Variants in DLGAP1 observed in about 807,000 individuals in gnomAD.
DLGAP1 encodes DLG associated protein 1, also known as disks large-associated protein 1.
A neutral mutation model predicts 90.8 loss-of-function variants in DLGAP1; 11 were observed. The ratio of observed to expected loss-of-function variants is 0.12; its 90% CI spans 0.08 to 0.20. The LOEUF is 0.20. DLGAP1 is among the 10% of genes least tolerant of loss of function. DLGAP1 has a pLI of 1.00. For missense variants in DLGAP1, 1,050 were observed against 1,333.8 expected (o/e 0.79, Z 3.31); for synonymous variants, 558 against 540.7 (o/e 1.03, Z -0.44).
intron 1 of DLGAP1, among the ~76,000 whole-genome samples, chr18:4,301,812 G>GT (rs562390297): frequency 2.6e-5 from 4 of 151,916 alleles, no homozygotes; most frequent in Non-Finnish European, 5.9e-5. Context: ...ATGACCTTTT[G>GT]TTTTTTTGAT....
intron 7 of DLGAP1, among the ~76,000 whole-genome samples, chr18:3,583,192 T>A (rs866477241): frequency 8.8e-5 from 12 of 136,760 alleles, no homozygotes; most frequent in East Asian, 2.2e-4. Context: ...CTACCTTCCT[T>A]CCTTCCTTCC....
intron 2 of DLGAP1, among the ~76,000 whole-genome samples, chr18:4,073,742 C>T (rs1165214419): frequency 6.6e-6 from 1 of 152,004 alleles, no homozygotes. Flanking sequence ...AAAAATTTGA[C>T]ACTGATAGGA....
At chr18:4,014,399 CA>C (rs1334131682) in intron 2 of DLGAP1, among the ~76,000 whole-genome samples, 2 of 152,096 alleles carry the variant, frequency 1.3e-5, no homozygotes, top group African/African-American at 4.8e-5. Flanking sequence ...AAATAACAAA[CA>C]TAGTGATTTG....
chr18:3,633,661 G>A (rs374358545), intron 7 of DLGAP1, among the ~76,000 whole-genome samples: 1 of 152,282 alleles, frequency 6.6e-6, no homozygotes, highest in East Asian at 1.9e-4. Context: ...TACAAATTCT[G>A]TAATGAAGTT....
In DLGAP1 at chr18:3,508,631, C is replaced by G; in HGVS notation, c.2510G>C (p.Ser837Thr). 6.2e-7 allele frequency: 1 copy of G among 1,613,982 alleles called. No homozygotes were observed. The highest frequency in any genetic ancestry group is 8.5e-7 in the Non-Finnish European group (1 of 1,179,942). ...ILGKIRTAVG[S>T]AQLLMAQKFY... ...TTTCTGGGCCATGAGAAGTTGGGCACTGCCCACTGCGGTTCGGATTTTTCC... is the reference window on the plus strand; with the variant it reads ...TTTCTGGGCCATGAGAAGTTGGGCAGTGCCCACTGCGGTTCGGATTTTTCC... The change falls in exon 11 of 13, where the codon AGT (serine) becomes ACT (threonine). Residue 837 changes from serine to threonine, a missense_variant. Ser to Thr is a moderately conservative substitution (Grantham distance 58). Around this residue, in one of 2 missense-constraint regions of DLGAP1, gnomAD observed 565 missense variants for 879.7 expected, o/e 0.64. Transcript: ENST00000315677.
intron 7 of DLGAP1, among the ~76,000 whole-genome samples, chr18:3,625,467 C>A (rs574028295): frequency 6.6e-6 from 1 of 152,258 alleles, no homozygotes; most frequent in East Asian, 1.9e-4. Context: ...ACAGAAAAAT[C>A]GAAGCAAATT....
At chr18:4,438,451 A>AG (rs2083454934) in intron 1 of DLGAP1, among the ~76,000 whole-genome samples, 1 of 150,836 alleles carries the variant, frequency 6.6e-6, no homozygotes, top group Admixed American at 6.6e-5. Flanking sequence ...AAAAAAAAAA[A>AG]AAAGAAATCT....
chr18:4,290,339 G>T (rs2079814808), intron 1 of DLGAP1, among the ~76,000 whole-genome samples: 1 of 152,182 alleles, frequency 6.6e-6, no homozygotes, highest in African/African-American at 2.4e-5. Context: ...GCAATTTAAA[G>T]AATATGGGTG....
At position 4,349,727 on chromosome 18, in the gene DLGAP1, C is replaced by G. The variant is rs1016808608; in HGVS notation, c.-267+105279G>C. Among the ~76,000 whole-genome samples the G allele has an allele frequency of 4.6e-5, 7 of 151,858 alleles. No individual in the cohort carries two copies. The East Asian group carries it at 1.3e-3, about 29-fold the overall frequency. On this transcript the variant is annotated intron_variant, in intron 1 of 12. Transcript: ENST00000315677. ...TATACGAAATTAAAAAAACCGATAA[C>G]ATGAATTGGTAGTGAAAAAATGTAT...
chr18:3,661,304 G>A (rs2059671968), intron 7 of DLGAP1, among the ~76,000 whole-genome samples: 1 of 152,208 alleles, frequency 6.6e-6, no homozygotes, highest in Admixed American at 6.5e-5. Flanking sequence ...CCCACAGACA[G>A]GTGGAGGCTA....
At chr18:3,958,478 AAG>A (rs2148978729) in intron 3 of DLGAP1, among the ~76,000 whole-genome samples, 1 of 151,592 alleles carries the variant, frequency 6.6e-6, no homozygotes, top group East Asian at 1.9e-4. Context: ...AAAAAAAAAA[AAG>A]AGGACAGTAT....
In DLGAP1 at chr18:3,808,851, G is replaced by A. The variant is rs539289953; in HGVS notation, c.1172+5208C>T. On this transcript the variant is annotated intron_variant, in intron 5 of 12. Coordinates refer to ENST00000315677, the MANE Select transcript of DLGAP1 (RefSeq NM_004746.4). ...AACAACAACAACAAAAGAGACTCCA[G>A]CAAGAGGCTATGGTTTTGGGCTCCT... Among the ~76,000 whole-genome samples the A allele has an allele frequency of 4.6e-5, 7 of 152,202 alleles. No individual in the cohort carries two copies. The East Asian group carries it at 9.7e-4, about 21-fold the overall frequency.
intron 7 of DLGAP1, among the ~76,000 whole-genome samples, chr18:3,675,080 G>GT (rs571819290): frequency 3.4e-4 from 51 of 151,672 alleles, no homozygotes; most frequent in Non-Finnish European, 5.9e-4. Context: ...GGGTTAGCTG[G>GT]TTTTTTTTTG....
intron 7 of DLGAP1, among the ~76,000 whole-genome samples, chr18:3,719,249 A>G (rs2061879550): frequency 6.6e-6 from 1 of 152,024 alleles, no homozygotes; most frequent in Non-Finnish European, 1.5e-5. Context: ...AGTGGTGGAT[A>G]CAGAAATCTA....
In DLGAP1 at chr18:3,843,619, G is replaced by A. The variant is rs569063762; in HGVS notation, c.958-29346C>T. ...GGGGCAGCCCAGCATGCTCTGGAGC[G>A]ATGAGGGGTGAGAGAGAAAGGAAGA... is the stretch of plus-strand genomic sequence containing the variant. On this transcript the variant is annotated intron_variant, in intron 4 of 12. Transcript: ENST00000315677. 4.5e-4 allele frequency among the ~76,000 whole-genome samples: 69 copies of A among 152,272 alleles called. 1 individual carries two copies. In the South Asian group the frequency reaches 8.9e-3, roughly 20 times the overall value.
intron 2 of DLGAP1, among the ~76,000 whole-genome samples, chr18:4,131,282 G>A (rs373485877): frequency 1.6e-4 from 24 of 152,298 alleles, no homozygotes; most frequent in South Asian, 6.2e-4. Context: ...GTCAAACCAT[G>A]TGTGGGCTCA....
chr18:3,869,492 G>T (rs1391002265), intron 4 of DLGAP1, among the ~76,000 whole-genome samples: 1 of 152,208 alleles, frequency 6.6e-6, no homozygotes, highest in Non-Finnish European at 1.5e-5. Context: ...GGAGGTCAAG[G>T]CTACAGTAAG....
At chr18:3,864,610 G>A (rs958356481) in intron 4 of DLGAP1, among the ~76,000 whole-genome samples, 1 of 152,150 alleles carries the variant, frequency 6.6e-6, no homozygotes, top group Non-Finnish European at 1.5e-5. Flanking sequence ...CAGCTAAGAA[G>A]AAGGATTATG....
At chr18:3,991,923 G>C (rs144053843) in intron 3 of DLGAP1, among the ~76,000 whole-genome samples, 1 of 152,114 alleles carries the variant, frequency 6.6e-6, no homozygotes, top group Non-Finnish European at 1.5e-5. Flanking sequence ...GATTCTTTGT[G>C]ATATTTTGAA....
Sources: allele counts gnomAD v4.1 joint callset (sites outside exome capture counted in the v4.1 genomes callset), GRCh38; gene constraint gnomAD v4.1.1; regional missense constraint gnomAD v4.1.1; transcripts MANE v1.5; gene names NCBI Gene and HGNC (gene_info 2026-07-23, HGNC 2026-07-21).